NUP107: variants seen among roughly 807,000 people sequenced by gnomAD.
NUP107 encodes the protein nuclear pore complex protein Nup107.
Under a neutral mutation model 141.0 loss-of-function variants are expected in NUP107, and 101 were observed. The ratio of observed to expected loss-of-function variants is 0.72; its 90% CI spans 0.61 to 0.84. The LOEUF is 0.84. Among genes scored for constraint, NUP107 ranks in the 40% least tolerant of loss-of-function variants. The pLI is 0.00. For missense variants in NUP107, 941 were observed against 1,102.7 expected (o/e 0.85, Z 2.08); for synonymous variants, 319 against 363.9 (o/e 0.88, Z 1.41).
chr12:68,690,663 C>A lies in NUP107; in HGVS notation c.220C>A (p.Pro74Thr). 1 of 1,614,090 alleles carries A rather than the reference C, an allele frequency of 6.2e-7. No individual in the cohort carries two copies. The highest frequency in any genetic ancestry group is 8.5e-7 in the Non-Finnish European group (1 of 1,180,010). The change falls in exon 4 of 28, where the codon CCA becomes ACA. Residue 74 changes from proline to threonine, a missense_variant. Coordinates refer to ENST00000229179, the MANE Select transcript of NUP107 (RefSeq NM_020401.4). ...TPTSRSLLRQ[P>T]DISCILGTGG... ...AACAAGCCGAAGCTTACTAAGGCAG[C>A]CAGATATTTCCTGCATTCTTGGAAC...
intron 20 of NUP107, among the ~76,000 whole-genome samples, 194 bp from the exon 21 acceptor site, chr12:68,730,916 C>G (rs1319428721): frequency 6.6e-6 from 1 of 152,168 alleles, no homozygotes; most frequent in Admixed American, 6.5e-5. Flanking sequence ...TGCAGTGAGC[C>G]ATGATCATGC....
At chr12:68,688,584 T>C (rs1223336383) in intron 1 of NUP107, among the ~76,000 whole-genome samples, 2 of 152,178 alleles carry the variant, frequency 1.3e-5, no homozygotes, top group East Asian at 3.8e-4. Flanking sequence ...CTGCAGAAAA[T>C]CTTTTAAGAG....
At chr12:68,707,141 C>G in intron 8 of NUP107, 1 of 549,534 alleles carries the variant, frequency 1.8e-6, no homozygotes, top group Non-Finnish European at 3.2e-6. Context: ...TCCAGAGGAG[C>G]ACAGGGAACA....
chr12:68,702,353 G>A (rs1048575190), intron 7 of NUP107, among the ~76,000 whole-genome samples: 1 of 151,986 alleles, frequency 6.6e-6, no homozygotes, highest in East Asian at 1.9e-4. Context: ...TCGAACACCC[G>A]ACCTCAGGTG....
chr12:68,709,675 G>A (rs1876753335), intron 9 of NUP107, among the ~76,000 whole-genome samples: 1 of 151,970 alleles, frequency 6.6e-6, no homozygotes, highest in Non-Finnish European at 1.5e-5. Context: ...CAGATCTCGA[G>A]GTCAGGAGAT....
rs781070782 is a variant in NUP107 at position 68,689,515 on chromosome 12, T to C, written c.101-18T>C. The C allele has an allele frequency of 1.3e-6, 2 of 1,492,974 alleles. No individual in the cohort carries two copies. The highest frequency in any genetic ancestry group is 2.8e-5 in the African/African-American group (2 of 70,570). The allele number at this position is 1,492,974 out of a possible 1,614,324, so 92.5% of individuals were successfully genotyped here. A position where few individuals can be genotyped will look rare whatever the true frequency, so the allele number is the denominator to read the frequency against. ...ATCTCTTTTCTACATGGAAAACTTT[T>C]CTTAACTCGTTGTACAGTTCAGGCA... On this transcript the variant is annotated intron_variant, in intron 2 of 27. Transcript: ENST00000229179.
chr12:68,694,450 C>T (rs918194170), intron 5 of NUP107, among the ~76,000 whole-genome samples: 7 of 151,866 alleles, frequency 4.6e-5, no homozygotes, highest in South Asian at 2.1e-4. Flanking sequence ...CTTTTGTGCA[C>T]GAAAGAATAC....
At chr12:68,690,432 G>A (rs1875726287) in intron 3 of NUP107, 199 bp from the exon 4 acceptor site, 1 of 653,262 alleles carries the variant, frequency 1.5e-6, no homozygotes, top group Non-Finnish European at 2.6e-6. Flanking sequence ...GTTAGGCTCA[G>A]TAGTACCTAC....
intron 8 of NUP107, chr12:68,705,877 C>G: frequency 1.2e-6 from 1 of 828,352 alleles, no homozygotes; most frequent in Non-Finnish European, 2.1e-6. Context: ...GGAGGTGGAC[C>G]CCAACATCCA....
In NUP107 at chr12:68,709,272, C is replaced by T. The variant is rs752069314; in HGVS notation, c.764C>T (p.Ala255Val). The change falls in exon 9 of 28, where the codon GCG becomes GTG. Residue 255 changes from alanine to valine, a missense_variant. Transcript: ENST00000229179. ...GCCAGTGAAAAAACAGTTGTGGAAGCGTTATTTCAGAGGGATTCACTTGTT... is the reference window on the plus strand; with the variant it reads ...GCCAGTGAAAAAACAGTTGTGGAAGTGTTATTTCAGAGGGATTCACTTGTT... ...VNASEKTVVE[A>V]LFQRDSLVRQ... 5.0e-6 allele frequency: 8 copies of T among 1,602,728 alleles called. No homozygotes were observed. The highest frequency in any genetic ancestry group is 2.3e-5 in the East Asian group (1 of 44,442).
At chr12:68,740,873 T>C (rs1878292244) in intron 26 of NUP107, among the ~76,000 whole-genome samples, 1 of 151,766 alleles carries the variant, frequency 6.6e-6, no homozygotes, top group Admixed American at 6.6e-5. Context: ...ATAATAAAAT[T>C]ATTTTTTTTT....
At chr12:68,703,782 A>AT (rs1357107478) in intron 8 of NUP107, among the ~76,000 whole-genome samples, 2 of 152,122 alleles carry the variant, frequency 1.3e-5, no homozygotes, top group Non-Finnish European at 2.9e-5. Flanking sequence ...TATTTCTTAG[A>AT]TTTTTTAAAA....
Position 68,713,769 on chromosome 12 carries a change from T to G in NUP107, c.930T>G (p.Thr310=). ...ATACCTTAAAACAACGGCAGCTGACTTCTTACGTTGGAAGTGTTCGTCCGC... is the reference window on the plus strand; with the variant it reads ...ATACCTTAAAACAACGGCAGCTGACGTCTTACGTTGGAAGTGTTCGTCCGC... The part of the protein sequence containing the change: ...TLHTLKQRQL[T]SYVGSVRPLV... The change falls in exon 11 of 28, where the codon ACT becomes ACG. Residue 310 remains threonine, a synonymous_variant. Transcript: ENST00000229179. The G allele has an allele frequency of 6.2e-7, 1 of 1,608,908 alleles. No individual in the cohort carries two copies. The highest frequency in any genetic ancestry group is 8.5e-7 in the Non-Finnish European group (1 of 1,179,056).
chr12:68,699,337 C>T (rs1198663592), intron 6 of NUP107, among the ~76,000 whole-genome samples: 2 of 152,080 alleles, frequency 1.3e-5, no homozygotes, highest in Admixed American at 1.3e-4. Context: ...TCTGCCACTG[C>T]ACTCCATCCT....
intron 26 of NUP107, among the ~76,000 whole-genome samples, chr12:68,740,764 C>T (rs979207321): frequency 1.3e-5 from 2 of 151,774 alleles, no homozygotes; most frequent in Non-Finnish European, 2.9e-5. Context: ...TGTGTAATTT[C>T]TGTAATCCCA....
At position 68,744,159 on chromosome 12, in the gene NUP107, A is replaced by G. The variant is rs1322176576; in HGVS notation, c.*1697A>G. 6.6e-6 allele frequency: 1 copy of G among 152,196 alleles called. No homozygotes were observed. Among genetic ancestry groups the G allele is most frequent in the Non-Finnish European group, 1.5e-5 (1 of 68,050 alleles). 9.4% of individuals were successfully genotyped at this position (152,196 alleles called of 1,614,324 possible). A position where few individuals can be genotyped will look rare whatever the true frequency, so the allele number is the denominator to read the frequency against. ...CCTAAATGAGGAGGAGGAATATTGT[A>G]TGCTTCCATCGTAACCGTATGTGGG... On this transcript the variant is annotated 3_prime_UTR_variant, in exon 28 of 28. Coordinates refer to ENST00000229179, the MANE Select transcript of NUP107 (RefSeq NM_020401.4).
intron 1 of NUP107, among the ~76,000 whole-genome samples, chr12:68,688,530 T>G (rs1028569179): frequency 6.6e-6 from 1 of 152,212 alleles, no homozygotes; most frequent in Admixed American, 6.5e-5. Context: ...TGTTGTTGTT[T>G]GTTTGTTTTT....
intron 26 of NUP107, among the ~76,000 whole-genome samples, chr12:68,738,967 C>CT (rs147874650): frequency 0.2 from 30,395 of 149,692 alleles, 3,721 homozygotes; most frequent in South Asian, 0.47. Context: ...TTGTTTTGTT[C>CT]TTTTTTTTTT....
At chr12:68,714,436 A>G (rs1480684321) in intron 11 of NUP107, 1 of 152,228 alleles carries the variant, frequency 6.6e-6, no homozygotes, top group Non-Finnish European at 1.5e-5. Flanking sequence ...AGCAGGCAAC[A>G]GCTGAAAATC....
Sources: allele counts gnomAD v4.1 joint callset (sites outside exome capture counted in the v4.1 genomes callset), GRCh38; gene constraint gnomAD v4.1.1; transcripts MANE v1.5; gene names NCBI Gene and HGNC (gene_info 2026-07-23, HGNC 2026-07-21).